SBF2: variants seen among roughly 807,000 people sequenced by gnomAD.
The protein encoded by SBF2 is myotubularin-related protein 13.
SBF2 carries 112 observed loss-of-function variants against 225.2 expected under a neutral mutation model. That is an observed-to-expected ratio of 0.50 (90% CI 0.43 to 0.58). The LOEUF (loss-of-function observed/expected upper bound fraction) is 0.58. SBF2 is among the 20% of genes least tolerant of loss of function. SBF2 has a pLI of 0.00. For missense variants in SBF2, 1,996 were observed against 2,206.2 expected (o/e 0.90, Z 1.91); for synonymous variants, 763 against 773.3 (o/e 0.99, Z 0.22).
intron 13 of SBF2, among the ~76,000 whole-genome samples, chr11:9,970,335 G>T (rs1055831269): frequency 6.6e-6 from 1 of 151,772 alleles, no homozygotes; most frequent in African/African-American, 2.4e-5. Context: ...GTCTCCCGAG[G>T]AGCTGGGACA....
chr11:10,201,213 C>T (rs1417422534), intron 1 of SBF2, among the ~76,000 whole-genome samples: 1 of 152,124 alleles, frequency 6.6e-6, no homozygotes, highest in Non-Finnish European at 1.5e-5. Context: ...TGTCCAAAGA[C>T]AGAACTAAGA....
rs138158629 is a variant in SBF2, at chr11:9,843,625, G to A, written c.3111-855C>T. On this transcript the variant is annotated intron_variant, in intron 24 of 39. Transcript: ENST00000256190. ...TCTTCTGGTGTTTTCTTGCCATTCA[G>A]TAAAAAGTGATAAGGCTTCTTTTAT... is the stretch of plus-strand genomic sequence containing the variant. Among the ~76,000 whole-genome samples, 24 of 152,244 alleles carry A rather than the reference G, an allele frequency of 1.6e-4. No homozygotes were observed. The East Asian group carries it at 4.4e-3, about 28-fold the overall frequency.
upstream of SBF2, among the ~76,000 whole-genome samples, chr11:10,297,662 A>T (rs1001282686): frequency 2.6e-5 from 4 of 152,204 alleles, no homozygotes; most frequent in African/African-American, 9.6e-5. Flanking sequence ...ATTGTTTTTA[A>T]GCCTAGAATC....
chr11:10,018,119 G>A (rs1042879581), intron 6 of SBF2, among the ~76,000 whole-genome samples: 1 of 152,114 alleles, frequency 6.6e-6, no homozygotes, highest in Non-Finnish European at 1.5e-5. Context: ...ACAAATAAGA[G>A]GGAACTGTCC....
intron 6 of SBF2, among the ~76,000 whole-genome samples, chr11:10,025,824 C>A (rs757811534): frequency 1.1e-4 from 17 of 152,272 alleles, no homozygotes; most frequent in Non-Finnish European, 2.2e-4. Flanking sequence ...TGGTCTCGAA[C>A]ACCTGCCCTA....
At chr11:9,928,940 C>A in intron 16 of SBF2, 1 of 432,288 alleles carries the variant, frequency 2.3e-6, no homozygotes, top group Non-Finnish European at 4.4e-6. Context: ...TTTTCTTGTT[C>A]GAGTTCAAAA....
chr11:10,022,049 A>G, intron 6 of SBF2, among the ~76,000 whole-genome samples: 1 of 152,232 alleles, frequency 6.6e-6, no homozygotes, highest in East Asian at 1.9e-4. Flanking sequence ...ATGACCAATT[A>G]TTATGTATTC....
chr11:10,023,670 G>T (rs1018183065), intron 6 of SBF2, among the ~76,000 whole-genome samples: 2 of 152,072 alleles, frequency 1.3e-5, no homozygotes, highest in African/African-American at 2.4e-5. Context: ...ATGTTTCCAA[G>T]ATTCACCCAG....
intron 17 of SBF2, among the ~76,000 whole-genome samples, chr11:9,889,186 T>C (rs1860589700): frequency 6.6e-6 from 1 of 152,216 alleles, no homozygotes; most frequent in Non-Finnish European, 1.5e-5. Context: ...CTCTGCACTT[T>C]AATGTCACCA....
At chr11:10,072,721 CTTTTTTTTTTTTCT>C (rs1288719794) in intron 2 of SBF2, among the ~76,000 whole-genome samples, 13 of 130,692 alleles carry the variant, frequency 9.9e-5, no homozygotes, top group African/African-American at 3.4e-4. Context: ...CCAGTGGAAT[CTTTTTTTTTTTTCT>C]TTTTTTTTTT....
At chr11:9,945,341 T>C (rs1320704336) in intron 16 of SBF2, among the ~76,000 whole-genome samples, 1 of 151,260 alleles carries the variant, frequency 6.6e-6, no homozygotes, top group Non-Finnish European at 1.5e-5. Flanking sequence ...TAAGAAGCAA[T>C]GAAGAAAGGA....
intron 3 of SBF2, among the ~76,000 whole-genome samples, chr11:10,041,851 C>T (rs149494363): frequency 1.4e-4 from 21 of 149,800 alleles, no homozygotes; most frequent in African/African-American, 5.1e-4. Flanking sequence ...AACTGGCTTA[C>T]TCAATATCTT....
At chr11:9,854,434 T>C (rs1857173207) in intron 19 of SBF2, among the ~76,000 whole-genome samples, 1 of 152,242 alleles carries the variant, frequency 6.6e-6, no homozygotes, top group South Asian at 2.1e-4. Flanking sequence ...CTCATTTGTC[T>C]GTTCCTATTA....
chr11:9,825,220 A>G (rs1380497307), intron 28 of SBF2, among the ~76,000 whole-genome samples: 1 of 152,184 alleles, frequency 6.6e-6, no homozygotes, highest in East Asian at 1.9e-4. Context: ...TTGGAGCCAG[A>G]CACAGAGGGA....
intron 1 of SBF2, among the ~76,000 whole-genome samples, chr11:10,291,707 G>A (rs1200265637): frequency 6.6e-6 from 1 of 150,548 alleles, no homozygotes; most frequent in Non-Finnish European, 1.5e-5. Context: ...CAGACTCCAT[G>A]TAGATGTCAA....
chr11:10,215,948 C>T (rs920850669), intron 1 of SBF2, among the ~76,000 whole-genome samples: 6 of 152,196 alleles, frequency 3.9e-5, no homozygotes, highest in African/African-American at 1.2e-4. Context: ...AAGTCAGGTC[C>T]ATTCAAACTC....
chr11:10,063,360 T>A (rs887608446), intron 2 of SBF2, among the ~76,000 whole-genome samples: 3 of 115,272 alleles, frequency 2.6e-5, no homozygotes, highest in Non-Finnish European at 5.8e-5. Context: ...TTAATTTTTT[T>A]ATTTTATTTT....
chr11:10,171,474 C>G (rs1425068661), intron 2 of SBF2, among the ~76,000 whole-genome samples: 1 of 152,038 alleles, frequency 6.6e-6, no homozygotes, highest in Non-Finnish European at 1.5e-5. Flanking sequence ...TCCTTGTATC[C>G]CTGGGATAAA....
chr11:10,277,815 G>A (rs532362655), intron 1 of SBF2, among the ~76,000 whole-genome samples: 1 of 152,290 alleles, frequency 6.6e-6, no homozygotes, highest in South Asian at 2.1e-4. Flanking sequence ...ACCAGATGCT[G>A]GAAGAGGGAA....
Sources: allele counts gnomAD v4.1 joint callset (sites outside exome capture counted in the v4.1 genomes callset), GRCh38; gene constraint gnomAD v4.1.1; transcripts MANE v1.5; gene names NCBI Gene and HGNC (gene_info 2026-07-23, HGNC 2026-07-21).